Variants in RIMS1 observed in about 807,000 individuals in gnomAD.
RIMS1 encodes the protein regulating synaptic membrane exocytosis protein 1.
Under a neutral mutation model 214.1 loss-of-function variants are expected in RIMS1, and 83 were observed. The ratio of observed to expected loss-of-function variants is 0.39; its 90% CI spans 0.32 to 0.47. The LOEUF (loss-of-function observed/expected upper bound fraction) is 0.47, where lower values mean the gene tolerates loss of function less well. RIMS1 is among the 20% of genes least tolerant of loss of function. RIMS1 has a pLI of 0.99. For missense variants in RIMS1, 2,050 were observed against 2,161.8 expected (o/e 0.95, Z 1.03); for synonymous variants, 793 against 786.8 (o/e 1.01, Z -0.13).
At chr6:72,012,964 A>G (rs968009598) in intron 2 of RIMS1, among the ~76,000 whole-genome samples, 6 of 152,222 alleles carry the variant, frequency 3.9e-5, no homozygotes, top group Non-Finnish European at 7.3e-5. Context: ...GCATCACTGC[A>G]TTTGGAATCA....
At chr6:71,985,606 GGT>G (rs1799713227) in intron 2 of RIMS1, among the ~76,000 whole-genome samples, 1 of 151,948 alleles carries the variant, frequency 6.6e-6, no homozygotes, top group African/African-American at 2.4e-5. Flanking sequence ...ATATGTCTTG[GGT>G]GGGAGTATTT....
intron 1 of RIMS1, among the ~76,000 whole-genome samples, chr6:71,962,498 G>C (rs1049519773): frequency 1.3e-5 from 2 of 152,130 alleles, no homozygotes; most frequent in African/African-American, 4.8e-5. Context: ...ATGCACACTG[G>C]TGGTGTAACA....
At chr6:72,122,816 G>A (rs577974369) in intron 4 of RIMS1, among the ~76,000 whole-genome samples, 1 of 151,826 alleles carries the variant, frequency 6.6e-6, no homozygotes, top group African/African-American at 2.4e-5. Context: ...TGGGATCAGT[G>A]GTGATATCCC....
At chr6:72,042,384 A>G (rs1362844977) in intron 2 of RIMS1, among the ~76,000 whole-genome samples, 1 of 151,842 alleles carries the variant, frequency 6.6e-6, no homozygotes, top group Non-Finnish European at 1.5e-5. Context: ...ACTTACAAAG[A>G]TTTTTTAAGA....
At chr6:71,960,992 A>G (rs528272894) in intron 1 of RIMS1, among the ~76,000 whole-genome samples, 1 of 152,252 alleles carries the variant, frequency 6.6e-6, no homozygotes, top group East Asian at 1.9e-4. Context: ...TGAAAACATA[A>G]CTATTAGTGA....
chr6:72,037,011 T>C (rs1819808920), intron 2 of RIMS1, among the ~76,000 whole-genome samples: 1 of 152,194 alleles, frequency 6.6e-6, no homozygotes, highest in Non-Finnish European at 1.5e-5. Flanking sequence ...GATTTGTACA[T>C]ATTAAAATGA....
At chr6:72,109,681 G>T (rs528556104) in intron 4 of RIMS1, among the ~76,000 whole-genome samples, 47 of 152,258 alleles carry the variant, frequency 3.1e-4, no homozygotes, top group African/African-American at 1.1e-3. Context: ...AGTTCCTGTT[G>T]CTGTGCAGAA....
At chr6:72,143,077 T>C (rs1217421132) in intron 4 of RIMS1, among the ~76,000 whole-genome samples, 1 of 152,144 alleles carries the variant, frequency 6.6e-6, no homozygotes, top group Admixed American at 6.5e-5. Flanking sequence ...ATGTCCAGAA[T>C]ATAGTGTTCA....
intron 6 of RIMS1, among the ~76,000 whole-genome samples, chr6:72,184,193 T>C (rs2153972433): frequency 6.6e-6 from 1 of 152,302 alleles, no homozygotes; most frequent in African/African-American, 2.4e-5. Context: ...CTTTGAATAA[T>C]ACCATGAGAC....
intron 23 of RIMS1, 35 bp downstream of exon 23, chr6:72,274,467 T>C (rs765057149): frequency 6.5e-7 from 1 of 1,528,104 alleles, no homozygotes; most frequent in Non-Finnish European, 9.1e-7. Flanking sequence ...ACAAGTGGCT[T>C]CTAGAAGCTT....
chr6:72,095,718 A>G (rs1199497238), intron 2 of RIMS1, among the ~76,000 whole-genome samples: 1 of 152,266 alleles, frequency 6.6e-6, no homozygotes, highest in Non-Finnish European at 1.5e-5. Flanking sequence ...ACACTGCAGT[A>G]CCTGGACCTA....
chr6:72,132,403 A>C (rs2040588553), intron 4 of RIMS1, among the ~76,000 whole-genome samples: 1 of 152,226 alleles, frequency 6.6e-6, no homozygotes, highest in Non-Finnish European at 1.5e-5. Context: ...TCCCACAACA[A>C]GTTAATTCAT....
Position 72,216,767 on chromosome 6 carries a change from CT to C in RIMS1, c.1679-17003del, listed in dbSNP as rs2056251830. 6 of 987,476 alleles carry C rather than the reference CT, an allele frequency of 6.1e-6. No homozygotes were observed. In the African/African-American group the frequency reaches 8.7e-5, roughly 14 times the overall value. 61.2% of individuals were successfully genotyped at this position (987,476 alleles called of 1,614,324 possible). ...GCCTGAGTCTTTTCTTCTGTGTTAG[CT>C]TTAAGGACCACAACGTTTCATCTCT... is the stretch of plus-strand genomic sequence containing the variant. On this transcript the variant is annotated intron_variant, in intron 6 of 33. Transcript: ENST00000521978.
intron 2 of RIMS1, among the ~76,000 whole-genome samples, chr6:71,984,776 T>TGTATGTATGTA (rs1562029279): frequency 1.7e-3 from 30 of 18,114 alleles, no homozygotes; most frequent in African/African-American, 3.9e-3. Flanking sequence ...TATGTACATA[T>TGTATGTATGTA]CTATCTATCT....
intron 2 of RIMS1, among the ~76,000 whole-genome samples, chr6:72,010,447 C>T (rs868299759): frequency 5.9e-5 from 9 of 152,268 alleles, no homozygotes; most frequent in African/African-American, 2.2e-4. Context: ...TCTCACAGCT[C>T]CTATTCAACA....
In RIMS1 at chr6:71,886,984, G is replaced by C; in HGVS notation, c.-40G>C. ...TGCTGGGCGTGCATCCGAAAGGTGAGAGCCAGAGAGCGAGCAGAGGGGGCG... is the reference window on the plus strand; with the variant it reads ...TGCTGGGCGTGCATCCGAAAGGTGACAGCCAGAGAGCGAGCAGAGGGGGCG... On this transcript the variant is annotated 5_prime_UTR_variant, in exon 1 of 34. Coordinates refer to ENST00000521978, the MANE Select transcript of RIMS1 (RefSeq NM_014989.7). 1 of 1,602,130 alleles carries C rather than the reference G, an allele frequency of 6.2e-7. No individual in the cohort carries two copies. The highest frequency in any genetic ancestry group is 1.3e-5 in the African/African-American group (1 of 74,796).
chr6:71,916,529 T>G (rs923635816), intron 1 of RIMS1, among the ~76,000 whole-genome samples: 2 of 152,160 alleles, frequency 1.3e-5, no homozygotes, highest in African/African-American at 4.8e-5. Context: ...ATTCTAAGAA[T>G]TCACTCTATC....
At chr6:72,208,604 C>T (rs2053310854) in intron 6 of RIMS1, among the ~76,000 whole-genome samples, 1 of 152,100 alleles carries the variant, frequency 6.6e-6, no homozygotes, top group Non-Finnish European at 1.5e-5. Context: ...TCTGATTATC[C>T]TTTAAATATC....
chr6:72,238,696 G>A (rs1040582871), intron 9 of RIMS1, among the ~76,000 whole-genome samples: 1 of 152,048 alleles, frequency 6.6e-6, no homozygotes, highest in Middle Eastern at 3.2e-3. Flanking sequence ...GGCTGTTTAT[G>A]TATTTGCCAG....
Sources: allele counts gnomAD v4.1 joint callset (sites outside exome capture counted in the v4.1 genomes callset), GRCh38; gene constraint gnomAD v4.1.1; transcripts MANE v1.5; gene names NCBI Gene and HGNC (gene_info 2026-07-23, HGNC 2026-07-21).